STK32B: variants seen among roughly 807,000 people sequenced by gnomAD.
The protein encoded by STK32B is serine/threonine kinase 32B.
STK32B carries 43 observed loss-of-function variants against 52.6 expected under a neutral mutation model. The observed-to-expected ratio is 0.82, with a 90% CI of 0.64 to 1.05. The LOEUF is 1.05. Among genes scored for constraint, STK32B ranks in the 50% least tolerant of loss-of-function variants. STK32B has a pLI of 0.00. For missense variants in STK32B, 621 were observed against 534.6 expected, an observed-to-expected ratio of 1.16 and a Z score of -1.59; for synonymous variants, 238 against 204.3, an observed-to-expected ratio of 1.17 and a Z score of -1.41.
At chr4:5,361,401 T>G (rs1734540247) in intron 4 of STK32B, among the ~76,000 whole-genome samples, 2 of 152,240 alleles carry the variant, frequency 1.3e-5, no homozygotes, top group Admixed American at 1.3e-4. Flanking sequence ...TTGATTTTAT[T>G]TATGGTGTCA....
intron 4 of STK32B, among the ~76,000 whole-genome samples, chr4:5,332,788 T>C (rs1732363463): frequency 6.6e-6 from 1 of 152,204 alleles, no homozygotes; most frequent in Admixed American, 6.5e-5. Context: ...AGAATGATGA[T>C]TTCCAATTTC....
intron 3 of STK32B, among the ~76,000 whole-genome samples, chr4:5,305,901 A>C (rs988786099): frequency 6.6e-6 from 1 of 152,020 alleles, no homozygotes; most frequent in African/African-American, 2.4e-5. Flanking sequence ...GATAGGTTGT[A>C]TCACTATTAT....
chr4:5,466,249 C>CG (rs1342523707), intron 9 of STK32B, among the ~76,000 whole-genome samples: 1 of 151,856 alleles, frequency 6.6e-6, no homozygotes, highest in Non-Finnish European at 1.5e-5. Context: ...TGCCAGGGGG[C>CG]GGGAGGCGGG....
intron 3 of STK32B, among the ~76,000 whole-genome samples, chr4:5,301,745 G>A (rs1480292240): frequency 8.3e-6 from 1 of 121,150 alleles, no homozygotes; most frequent in Admixed American, 7.8e-5. Context: ...AGTTCCATTA[G>A]CTTTTTTTTT....
At chr4:5,270,654 T>A (rs1019818465) in intron 3 of STK32B, among the ~76,000 whole-genome samples, 2 of 152,110 alleles carry the variant, frequency 1.3e-5, no homozygotes, top group Non-Finnish European at 2.9e-5. Context: ...GGAACAAATA[T>A]CCACTCTCAC....
At chr4:5,263,883 T>C (rs1322931598) in intron 3 of STK32B, among the ~76,000 whole-genome samples, 1 of 152,258 alleles carries the variant, frequency 6.6e-6, no homozygotes, top group Non-Finnish European at 1.5e-5. Flanking sequence ...TCTATCACCA[T>C]ACATTGGTTT....
intron 4 of STK32B, among the ~76,000 whole-genome samples, chr4:5,382,741 A>G (rs1736011994): frequency 3.9e-5 from 6 of 152,214 alleles, no homozygotes; most frequent in Admixed American, 3.9e-4. Flanking sequence ...TGATGTATTC[A>G]TTAAGCTTTC....
At chr4:5,351,643 T>A (rs981381809) in intron 4 of STK32B, among the ~76,000 whole-genome samples, 1 of 151,888 alleles carries the variant, frequency 6.6e-6, no homozygotes, top group East Asian at 1.9e-4. Flanking sequence ...AAATAGGGAC[T>A]AAACAAATAC....
At chr4:5,028,011 T>G in the STK32B span, among the ~76,000 whole-genome samples, 1 of 152,226 alleles carries the variant, frequency 6.6e-6, no homozygotes, top group Non-Finnish European at 1.5e-5. Context: ...GCTGCAGAGC[T>G]AATGCAGAGT....
intron 1 of STK32B, among the ~76,000 whole-genome samples, chr4:5,119,554 A>G (rs1004625630): frequency 6.6e-6 from 1 of 152,238 alleles, no homozygotes; most frequent in Non-Finnish European, 1.5e-5. Flanking sequence ...AAATATTGTC[A>G]GTATCTCCAG....
intron 3 of STK32B, among the ~76,000 whole-genome samples, chr4:5,193,082 A>G (rs896110420): frequency 1.1e-4 from 16 of 152,130 alleles, no homozygotes; most frequent in African/African-American, 3.9e-4. Flanking sequence ...ACTGCACTTT[A>G]TAAGGCCTGG....
intron 3 of STK32B, among the ~76,000 whole-genome samples, chr4:5,264,525 G>A (rs913964282): frequency 6.6e-5 from 10 of 151,994 alleles, no homozygotes; most frequent in African/African-American, 2.2e-4. Flanking sequence ...GGTGGCTCAC[G>A]CCTGTAATCC....
In STK32B at chr4:5,092,297, C is replaced by T. The variant is rs555214796; in HGVS notation, c.52+40382C>T. On this transcript the variant is annotated intron_variant, in intron 1 of 11. Coordinates refer to ENST00000282908, the MANE Select transcript of STK32B (RefSeq NM_018401.3). ...CTGTAATCCCAGCACTTCGGGAGGC[C>T]GAGGCGGGCAGATCACCTGAGGTCA... Among the ~76,000 whole-genome samples the T allele has an allele frequency of 1.2e-4, 19 of 152,210 alleles. No individual in the cohort carries two copies. In the South Asian group the frequency reaches 2.7e-3, roughly 22 times the overall value.
At chr4:5,205,038 A>C (rs1326089889) in intron 3 of STK32B, among the ~76,000 whole-genome samples, 1 of 152,208 alleles carries the variant, frequency 6.6e-6, no homozygotes, top group African/African-American at 2.4e-5. Context: ...GTCATCATCT[A>C]ATCCCTGGAG....
rs1421421558 is a variant in STK32B, at chr4:5,100,567, C to T, written c.53-39338C>T. ...TCCTCCTTTCCTCCTTCCTTCCTTC[C>T]TCCTCCCTTGCCTGCCTCCCTCCCT... On this transcript the variant is annotated intron_variant, in intron 1 of 11. Coordinates refer to ENST00000282908, the MANE Select transcript of STK32B (RefSeq NM_018401.3). 2.9e-5 allele frequency among the ~76,000 whole-genome samples: 4 copies of T among 137,166 alleles called. No homozygotes were observed. In the East Asian group the frequency reaches 8.9e-4, roughly 31 times the overall value. The allele number at this position is 137,166 out of a possible 152,430, so 90.0% of individuals were successfully genotyped here.
chr4:5,197,747 T>G (rs1269124780), intron 3 of STK32B, among the ~76,000 whole-genome samples: 2 of 152,238 alleles, frequency 1.3e-5, no homozygotes, highest in Non-Finnish European at 1.5e-5. Context: ...TATTCATGTT[T>G]TCTTAAGAGA....
intron 2 of STK32B, among the ~76,000 whole-genome samples, chr4:5,167,894 G>C (rs1719004392): frequency 6.6e-6 from 1 of 152,228 alleles, no homozygotes; most frequent in Non-Finnish European, 1.5e-5. Flanking sequence ...GGAAAGGTGA[G>C]GAGATTCAGG....
intron 2 of STK32B, among the ~76,000 whole-genome samples, chr4:5,162,223 G>T (rs558609382): frequency 1.3e-5 from 2 of 152,280 alleles, no homozygotes; most frequent in Admixed American, 1.3e-4. Context: ...TTAGAGCCCT[G>T]ACCATAAAGG....
chr4:5,485,667 T>C (rs1719113924), intron 11 of STK32B, among the ~76,000 whole-genome samples: 1 of 152,216 alleles, frequency 6.6e-6, no homozygotes, highest in Non-Finnish European at 1.5e-5. Flanking sequence ...GGCACTCTGC[T>C]TTTTAGAGTT....
Sources: allele counts gnomAD v4.1 joint callset (sites outside exome capture counted in the v4.1 genomes callset), GRCh38; gene constraint gnomAD v4.1.1; transcripts MANE v1.5; gene names NCBI Gene and HGNC (gene_info 2026-07-23, HGNC 2026-07-21).